The following SLC16A7 variants were observed in gnomAD, a reference collection of about 807,000 sequenced individuals.
SLC16A7 encodes the protein monocarboxylate transporter 2.
SLC16A7 carries 33 observed loss-of-function variants against 34.9 expected under a neutral mutation model. That is an observed-to-expected ratio of 0.94 (90% CI 0.72 to 1.26). SLC16A7 has a LOEUF of 1.26. SLC16A7 is among the 50% of genes most tolerant of loss of function. SLC16A7 has a pLI of 0.00. For synonymous variants in SLC16A7, 201 were observed against 206.6 expected (o/e 0.97, Z 0.23); for missense variants, 573 against 578.1 (o/e 0.99, Z 0.09).
chr12:59,652,876 T>A (rs1189288751), intron 1 of SLC16A7, among the ~76,000 whole-genome samples: 1 of 151,838 alleles, frequency 6.6e-6, no homozygotes, highest in Non-Finnish European at 1.5e-5. Context: ...ACATGCATGC[T>A]TCAGAAGGTC....
chr12:59,620,326 C>T (rs17122719), intron 1 of SLC16A7, among the ~76,000 whole-genome samples: 1,843 of 151,832 alleles, frequency 0.012, 39 homozygotes, highest in African/African-American at 0.042. Context: ...TTGGGAATTA[C>T]CTACTGCTTC....
At chr12:59,761,310 T>C (rs1356540607) in intron 3 of SLC16A7, 1 of 391,750 alleles carries the variant, frequency 2.6e-6, no homozygotes, top group Non-Finnish European at 4.5e-6. Context: ...TGGTTAGGTT[T>C]CTAACTTTTC....
rs903042355 is a variant in SLC16A7, at chr12:59,789,231, G to A, written c.*9552G>A. The A allele has an allele frequency of 6.6e-6, 1 of 152,022 alleles. No individual in the cohort carries two copies. The highest frequency in any genetic ancestry group is 2.4e-5 in the African/African-American group (1 of 41,410). The allele number at this position is 152,022 out of a possible 1,614,324, so 9.4% of individuals were successfully genotyped here. A position where few individuals can be genotyped will look rare whatever the true frequency, so the allele number is the denominator to read the frequency against. On this transcript the variant is annotated 3_prime_UTR_variant, in exon 6 of 6. Coordinates refer to ENST00000547379, the MANE Select transcript of SLC16A7 (RefSeq NM_001270623.2). ...ATTGATAGATATTGATTATTAAAAT[G>A]CTACTACAGTATTCTACGATGCAGG...
intron 3 of SLC16A7, 83 bp from the exon 4 acceptor site, chr12:59,771,136 C>A: frequency 7.3e-7 from 1 of 1,367,338 alleles, no homozygotes; most frequent in Non-Finnish European, 1.0e-6. Flanking sequence ...TGCTTTCTTG[C>A]CTTTCCAAAT....
intron 3 of SLC16A7, among the ~76,000 whole-genome samples, chr12:59,767,627 A>C (rs1437457081): frequency 6.6e-6 from 1 of 152,126 alleles, no homozygotes; most frequent in Non-Finnish European, 1.5e-5. Flanking sequence ...AGTTTGCTGA[A>C]TATTTTAAGC....
In SLC16A7 at chr12:59,596,622, G is replaced by T. The variant is rs916284910; in HGVS notation, c.-130+386G>T. 9.9e-5 allele frequency among the ~76,000 whole-genome samples: 15 copies of T among 151,978 alleles called. No homozygotes were observed. The highest frequency in any genetic ancestry group is 3.6e-4 in the African/African-American group (15 of 41,360). Reference sequence around the variant, plus strand: ...CAGTCTCCCTGGCTCACGGGACTCCGAGGGCTGCTTCCAGTGCGGCGTGTC... The same window carrying T: ...CAGTCTCCCTGGCTCACGGGACTCCTAGGGCTGCTTCCAGTGCGGCGTGTC... On this transcript the variant is annotated intron_variant, in intron 1 of 5. Coordinates refer to ENST00000547379, the MANE Select transcript of SLC16A7 (RefSeq NM_001270623.2). The surrounding 1 kb of genome is among the most constrained non-coding windows in gnomAD (Gnocchi z 5.0).
chr12:59,628,519 T>A (rs1412121978), intron 1 of SLC16A7, among the ~76,000 whole-genome samples: 1 of 151,920 alleles, frequency 6.6e-6, no homozygotes, highest in African/African-American at 2.4e-5. Context: ...GAATAATTCA[T>A]TGCTTTCATA....
chr12:59,637,452 T>C (rs1485941349), intron 1 of SLC16A7, among the ~76,000 whole-genome samples: 2 of 152,030 alleles, frequency 1.3e-5, no homozygotes, highest in Non-Finnish European at 2.9e-5. Flanking sequence ...TCTTTCTGTT[T>C]TTTTTTTTCT....
intron 3 of SLC16A7, among the ~76,000 whole-genome samples, chr12:59,748,177 T>C (rs966947615): frequency 6.6e-6 from 1 of 152,076 alleles, no homozygotes; most frequent in Non-Finnish European, 1.5e-5. Flanking sequence ...GATACAAAAT[T>C]TTAGCTAGAT....
At chr12:59,765,826 C>T (rs374993252) in intron 3 of SLC16A7, among the ~76,000 whole-genome samples, 3 of 151,904 alleles carry the variant, frequency 2.0e-5, no homozygotes, top group South Asian at 2.1e-4. Flanking sequence ...GCTCTTTTTT[C>T]GTTCCATATG....
intron 1 of SLC16A7, among the ~76,000 whole-genome samples, chr12:59,612,430 AG>A: frequency 6.6e-6 from 1 of 152,272 alleles, no homozygotes; most frequent in South Asian, 2.1e-4. Context: ...CCCAGACCAC[AG>A]AACCATTTTT....
At chr12:59,646,610 A>G (rs1314437220) in intron 1 of SLC16A7, among the ~76,000 whole-genome samples, 2 of 152,178 alleles carry the variant, frequency 1.3e-5, no homozygotes, top group Non-Finnish European at 2.9e-5. Context: ...AGCTCCCCAC[A>G]GAGACCCCAC....
chr12:59,746,341 T>C (rs1878889105), intron 3 of SLC16A7, among the ~76,000 whole-genome samples: 1 of 152,216 alleles, frequency 6.6e-6, no homozygotes, highest in African/African-American at 2.4e-5. Flanking sequence ...AAGCAGATTT[T>C]ATTTCAGGGC....
At chr12:59,644,320 A>C (rs1409533226) in intron 1 of SLC16A7, among the ~76,000 whole-genome samples, 1 of 152,118 alleles carries the variant, frequency 6.6e-6, no homozygotes, top group African/African-American at 2.4e-5. Flanking sequence ...TAATCCCAGC[A>C]GTTTGGGAGG....
chr12:59,599,259 T>A (rs1364998120), intron 1 of SLC16A7, among the ~76,000 whole-genome samples: 2 of 152,210 alleles, frequency 1.3e-5, no homozygotes, highest in African/African-American at 2.4e-5. Context: ...CAAGTCCAAG[T>A]GTCTCCCGCC....
chr12:59,646,524 T>C (rs970981559), intron 1 of SLC16A7, among the ~76,000 whole-genome samples: 4 of 152,112 alleles, frequency 2.6e-5, no homozygotes, highest in Non-Finnish European at 5.9e-5. Context: ...CAGGCACAAG[T>C]CTGCTGCAGG....
chr12:59,616,099 A>T (rs544240688), intron 1 of SLC16A7, among the ~76,000 whole-genome samples: 2 of 152,204 alleles, frequency 1.3e-5, no homozygotes. Context: ...ATGATGCCTG[A>T]GGTAACTGGC....
intron 1 of SLC16A7, among the ~76,000 whole-genome samples, chr12:59,648,111 G>T (rs1290259140): frequency 6.6e-6 from 1 of 152,022 alleles, no homozygotes; most frequent in Non-Finnish European, 1.5e-5. Context: ...GGTGATTGAG[G>T]ATATTTAGGG....
intron 1 of SLC16A7, among the ~76,000 whole-genome samples, chr12:59,597,750 C>G (rs1262814436): frequency 6.6e-6 from 1 of 152,154 alleles, no homozygotes; most frequent in Non-Finnish European, 1.5e-5. Flanking sequence ...ACTGAATGAT[C>G]TCAGTGGAAA....
Sources: allele counts gnomAD v4.1 joint callset (sites outside exome capture counted in the v4.1 genomes callset), GRCh38; gene constraint gnomAD v4.1.1; non-coding constraint Gnocchi (gnomAD v3.1); transcripts MANE v1.5; gene names NCBI Gene and HGNC (gene_info 2026-07-23, HGNC 2026-07-21).